Variants in GATM observed in about 807,000 individuals in gnomAD.
The protein encoded by GATM is glycine amidinotransferase.
Under a neutral mutation model 54.2 loss-of-function variants are expected in GATM, and 23 were observed. The observed-to-expected ratio is 0.42, with a 90% CI of 0.31 to 0.60. The LOEUF is 0.60. Ranked by LOEUF, GATM falls within the 20% of genes least tolerant of loss-of-function variation. The pLI, the probability that GATM is intolerant of heterozygous loss-of-function variation, is 0.14. For synonymous variants in GATM, 168 were observed against 183.1 expected (o/e 0.92, Z 0.67); for missense variants, 401 against 544.9 (o/e 0.74, Z 2.63).
intron 7 of GATM, 102 bp downstream of exon 7, chr15:45,364,694 AC>A (rs1443882576): frequency 9.7e-7 from 1 of 1,032,600 alleles, no homozygotes; most frequent in East Asian, 2.5e-5. Context: ...CTGAGGAAAC[AC>A]ATTCTCTAAG....
At chr15:45,365,981 A>G in intron 6 of GATM, 65 bp downstream of exon 6, 1 of 1,482,570 alleles carries the variant, frequency 6.7e-7, no homozygotes, top group Non-Finnish European at 9.4e-7. Flanking sequence ...TGCTTAAAAT[A>G]AAAGTGGCAA....
At chr15:45,388,775 C>T (rs1442921756) in intron 3 of GATM, among the ~76,000 whole-genome samples, 1 of 152,024 alleles carries the variant, frequency 6.6e-6, no homozygotes, top group East Asian at 1.9e-4. Flanking sequence ...TTAACCCTGT[C>T]ATTTGCTTAA....
At chr15:45,378,320 C>T in intron 1 of GATM, 65 bp downstream of exon 1, 1 of 1,322,052 alleles carries the variant, frequency 7.6e-7, no homozygotes, top group Non-Finnish European at 1.0e-6. Flanking sequence ...CGAGCGAGTG[C>T]TCCACGCCGC....
intron 3 of GATM, among the ~76,000 whole-genome samples, chr15:45,393,481 A>G (rs1000643072): frequency 1.3e-5 from 2 of 152,080 alleles, no homozygotes; most frequent in Non-Finnish European, 2.9e-5. Flanking sequence ...ATCATACTGT[A>G]AACACTTACA....
intron 1 of GATM, chr15:45,377,773 C>G: frequency 6.4e-6 from 1 of 155,670 alleles, no homozygotes; most frequent in Non-Finnish European, 1.4e-5. Context: ...CCAGGGCAGC[C>G]GAGGGCGGGG....
intron 3 of GATM, among the ~76,000 whole-genome samples, chr15:45,393,684 T>G (rs933365187): frequency 1.3e-5 from 2 of 152,146 alleles, no homozygotes; most frequent in Admixed American, 1.3e-4. Context: ...CCAGAAGTGT[T>G]TTGGACTTTG....
intron 3 of GATM, among the ~76,000 whole-genome samples, chr15:45,384,704 T>A (rs66939267): frequency 0.32 from 48,404 of 151,724 alleles, 8,806 homozygotes; most frequent in East Asian, 0.83. Context: ...AATTGACACT[T>A]CCCCACCCCT....
chr15:45,399,577 G>T lies in GATM; in HGVS notation c.-511C>A. The T allele has an allele frequency of 2.5e-5, 4 of 157,386 alleles. No homozygotes were observed. The South Asian group carries it at 7.5e-4, about 29-fold the overall frequency. The allele number at this position is 157,386 out of a possible 1,614,324, so 9.7% of individuals were successfully genotyped here. On this transcript the variant is annotated 5_prime_UTR_variant, in exon 2 of 5. Coordinates refer to the GATM transcript ENST00000561148. Reference sequence around the variant, plus strand: ...TGGAATCTGCCAGTGCCTTGTCTTTGACTTCCCAGCCTCCAGAACTGTAAA... The same window carrying T: ...TGGAATCTGCCAGTGCCTTGTCTTTTACTTCCCAGCCTCCAGAACTGTAAA...
chr15:45,377,479 C>T, intron 1 of GATM: 1 of 333,966 alleles, frequency 3.0e-6, no homozygotes, highest in Non-Finnish European at 5.8e-6. Flanking sequence ...TTAGCTCAGG[C>T]GTAAATTCAA....
At chr15:45,399,014 TAGAC>T (rs1381080577) in intron 2 of GATM, among the ~76,000 whole-genome samples, 55 of 152,314 alleles carry the variant, frequency 3.6e-4, no homozygotes, top group Non-Finnish European at 5.9e-4. Flanking sequence ...AATTAAAAAT[TAGAC>T]AGATTGTAAC....
At chr15:45,378,727 G>A (rs745765661), upstream of GATM, 141 of 360,318 alleles carry the variant, frequency 3.9e-4, no homozygotes, top group Non-Finnish European at 5.4e-4. Context: ...AGCCAGCGGG[G>A]CCACTGACGG....
chr15:45,401,316 C>A (rs941203251), intron 1 of GATM, among the ~76,000 whole-genome samples: 1 of 151,518 alleles, frequency 6.6e-6, no homozygotes, highest in African/African-American at 2.4e-5. Context: ...TGATTATTTG[C>A]ATAGATAGAA....
At chr15:45,363,145 G>T (rs9972528) in intron 8 of GATM, among the ~76,000 whole-genome samples, 15,052 of 152,118 alleles carry the variant, frequency 0.099, 841 homozygotes, top group Middle Eastern at 0.25. Flanking sequence ...GGTGGTGTAT[G>T]CTTGTAATCC....
intron 2 of GATM, among the ~76,000 whole-genome samples, chr15:45,374,951 T>C (rs1889605379): frequency 6.6e-6 from 1 of 152,206 alleles, no homozygotes; most frequent in Non-Finnish European, 1.5e-5. Flanking sequence ...CTAGGCTGTG[T>C]CTACAATGTG....
chr15:45,391,362 A>G (rs1297647963), intron 3 of GATM, among the ~76,000 whole-genome samples: 4 of 152,228 alleles, frequency 2.6e-5, no homozygotes, highest in African/African-American at 9.7e-5. Context: ...CATTGAGCCA[A>G]GATCGTGCCA....
At chr15:45,393,958 C>G (rs1269658871) in intron 3 of GATM, among the ~76,000 whole-genome samples, 4 of 152,132 alleles carry the variant, frequency 2.6e-5, no homozygotes, top group Non-Finnish European at 4.4e-5. Flanking sequence ...TGCTCAAGAC[C>G]ATACAGCAAG....
intron 3 of GATM, among the ~76,000 whole-genome samples, chr15:45,390,647 A>G (rs1476863494): frequency 2.0e-5 from 3 of 152,004 alleles, no homozygotes; most frequent in Non-Finnish European, 4.4e-5. Context: ...TTCTGCTACT[A>G]TTTTCTCATA....
Position 45,368,294 on chromosome 15 carries a change from T to G in GATM, c.485-34A>C. On this transcript the variant is annotated intron_variant, in intron 3 of 8. Transcript: ENST00000396659. The surrounding 1 kb of genome is among the most constrained non-coding windows in gnomAD (Gnocchi z 5.1). The stretch of plus-strand genomic sequence containing the variant: ...CCAAAAAATTCCATGACAACTTCAG[T>G]AGTGTTAATTTCCAAGACAAAAAAG... 6.3e-7 allele frequency: 1 copy of G among 1,593,814 alleles called. No homozygotes were observed. Among genetic ancestry groups the G allele is most frequent in the Non-Finnish European group, 8.6e-7 (1 of 1,163,864 alleles).
chr15:45,379,948 C>T (rs908610397), upstream of GATM: 2 of 151,584 alleles, frequency 1.3e-5, no homozygotes, highest in East Asian at 1.9e-4. Flanking sequence ...GGTGAAACCC[C>T]GTCTCTACTA....
Sources: gnomAD v4.1 joint callset for allele counts (sites outside exome capture counted in the v4.1 genomes callset) on GRCh38, gnomAD v4.1.1 for gene constraint, Gnocchi (gnomAD v3.1) non-coding constraint, MANE v1.5 for transcripts, NCBI Gene and HGNC (gene_info 2026-07-23, HGNC 2026-07-21) for gene names.